The following KNDC1 variants were observed in gnomAD, a reference collection of about 807,000 sequenced individuals.
KNDC1 encodes the protein kinase non-catalytic C-lobe domain-containing protein 1.
A neutral mutation model predicts 172.8 loss-of-function variants in KNDC1; 106 were observed. The observed-to-expected ratio is 0.61, with a 90% CI of 0.52 to 0.72. The LOEUF is 0.72. Among genes scored for constraint, KNDC1 ranks in the 30% least tolerant of loss-of-function variants. The pLI is 0.00. For missense variants in KNDC1, 2,325 were observed against 2,394.5 expected, an observed-to-expected ratio of 0.97 and a Z score of 0.61; for synonymous variants, 1,083 against 1,062.2, an observed-to-expected ratio of 1.02 and a Z score of -0.38.
At chr10:133,170,438 TCA>T (rs989615300) in intron 3 of KNDC1, among the ~76,000 whole-genome samples, 1 of 152,162 alleles carries the variant, frequency 6.6e-6, no homozygotes, top group African/African-American at 2.4e-5. Context: ...GCCTGGGGTC[TCA>T]CACACAGGAC....
Position 133,200,392 on chromosome 10 carries a change from G to A in KNDC1, c.2921G>A (p.Gly974Glu). 1 of 1,595,398 alleles carries A rather than the reference G, an allele frequency of 6.3e-7. No homozygotes were observed. The change falls in exon 16 of 30, where the codon GGG becomes GAG. Residue 974 changes from glycine (G) to glutamate (E), a missense_variant. Transcript: ENST00000304613. Reference sequence around the variant, plus strand: ...GTCGTCAGCACGGCCGAGGAGGCTGGGTCACAGCTCGAGGGCAGCCAAAGC... The same window carrying A: ...GTCGTCAGCACGGCCGAGGAGGCTGAGTCACAGCTCGAGGGCAGCCAAAGC... ...SPSPSTAEEAGSQLEGSQSPR... is the reference protein window; with the variant it reads ...SPSPSTAEEAESQLEGSQSPR...
rs57759593 is a variant in KNDC1, at chr10:133,210,364, CAAAAAAAAAAAAA to C, written c.3795-234_3795-222del. Reference sequence around the variant, plus strand: ...CTGGGCGACAAGAGCGAAACTCTGCCAAAAAAAAAAAAAAAAAAAAAAAAAGGCCCTGGTGCTG... The same window carrying C: ...CTGGGCGACAAGAGCGAAACTCTGCCAAAAAAAAAAAAGGCCCTGGTGCTG... On this transcript the variant is annotated intron_variant, in intron 20 of 29. Transcript: ENST00000304613. Among the ~76,000 whole-genome samples, 48 of 74,472 alleles carry C rather than the reference CAAAAAAAAAAAAA, an allele frequency of 6.4e-4. No homozygotes were observed. In the Middle Eastern group the frequency reaches 0.032, roughly 50 times the overall value. 48.9% of individuals were successfully genotyped at this position (74,472 alleles called of 152,430 possible). A position where few individuals can be genotyped will look rare whatever the true frequency, so the allele number is the denominator to read the frequency against.
Position 133,197,066 on chromosome 10 carries a change from C to G in KNDC1, c.1743C>G (p.Gly581=). Residue 581 remains glycine, a synonymous_variant, in exon 11 of 30, where the codon GGC becomes GGG. Transcript: ENST00000304613. ...PSAAEAIKVC[G]SYLLQRGMDS... ...CTGTCTCCTCCCTCCAGGTGTGCGG[C>G]AGCTACCTCCTCCAGCGAGGCATGG... 6.2e-7 allele frequency: 1 copy of G among 1,612,950 alleles called. No homozygotes were observed. The highest frequency in any genetic ancestry group is 8.5e-7 in the Non-Finnish European group (1 of 1,179,654).
chr10:133,193,416 T>C (rs960648702), intron 9 of KNDC1, among the ~76,000 whole-genome samples: 3 of 152,040 alleles, frequency 2.0e-5, no homozygotes, highest in African/African-American at 4.8e-5. Context: ...TCCCAGCTAC[T>C]TGGGAGGCTG....
At chr10:133,182,723 T>G (rs1853753063) in intron 3 of KNDC1, among the ~76,000 whole-genome samples, 1 of 152,238 alleles carries the variant, frequency 6.6e-6, no homozygotes. Context: ...TTGAAGTTTT[T>G]GACCTAAACA....
chr10:133,216,936 G>A (rs11101646), intron 26 of KNDC1, among the ~76,000 whole-genome samples: 44,673 of 152,272 alleles, frequency 0.29, 7,289 homozygotes, highest in Middle Eastern at 0.37. Flanking sequence ...CGCGAAGCAC[G>A]GACAGTGGAC....
intron 17 of KNDC1, among the ~76,000 whole-genome samples, chr10:133,205,042 C>T (rs1845149068): frequency 6.6e-6 from 1 of 152,144 alleles, no homozygotes; most frequent in Non-Finnish European, 1.5e-5. Context: ...TCACCACCCT[C>T]CTCAGTACTG....
chr10:133,165,293 G>A (rs1205616152), intron 1 of KNDC1, among the ~76,000 whole-genome samples: 3 of 152,220 alleles, frequency 2.0e-5, no homozygotes. Flanking sequence ...GGAGGAGGGG[G>A]CTGCCCATCA....
Position 133,200,533 on chromosome 10 carries a change from C to T in KNDC1, c.2989+73C>T, listed in dbSNP as rs182009758. Reference sequence around the variant, plus strand: ...TCTGTGCTCTCTGCAATGCGGGGGGCGCCCCAGGGTCCCAGCAGCCTCAGA... The same window carrying T: ...TCTGTGCTCTCTGCAATGCGGGGGGTGCCCCAGGGTCCCAGCAGCCTCAGA... On this transcript the variant is annotated intron_variant, in intron 16 of 29. Transcript: ENST00000304613. The T allele has an allele frequency of 9.0e-3, 10,504 of 1,168,868 alleles. 80 individuals are homozygous for T. Among genetic ancestry groups the T allele is most frequent in the Middle Eastern group, 0.023 (84 of 3,602 alleles). The allele number at this position is 1,168,868 out of a possible 1,614,324, so 72.4% of individuals were successfully genotyped here.
chr10:133,219,918 T>C (rs756498673), intron 28 of KNDC1, 37 bp from the exon 29 acceptor site: 316 of 1,538,212 alleles, frequency 2.1e-4, no homozygotes, highest in Non-Finnish European at 2.6e-4. Flanking sequence ...GACCACGCCC[T>C]GTCTCTCCCC....
chr10:133,225,875 C>G lies in KNDC1; in HGVS notation c.*985C>G, dbSNP rs58366373. The G allele has an allele frequency of 0.062, 9,482 of 152,522 alleles. 355 individuals are homozygous for G. Among genetic ancestry groups the G allele is most frequent in the African/African-American group, 0.1 (4,244 of 41,570 alleles). 9.4% of individuals were successfully genotyped at this position (152,522 alleles called of 1,614,324 possible). On this transcript the variant is annotated 3_prime_UTR_variant, in exon 30 of 30. Transcript: ENST00000304613. Reference sequence around the variant, plus strand: ...GACCCCAGGCAGCTGGTGTGGAGCCCCTTGGCCAGGGCCATGGGAGTCCCG... The same window carrying G: ...GACCCCAGGCAGCTGGTGTGGAGCCGCTTGGCCAGGGCCATGGGAGTCCCG...
In KNDC1 at chr10:133,160,416, C is replaced by CCAGCA. The variant is rs1852922005; in HGVS notation, c.-48_-47insACAGC. 76 of 1,216,796 alleles carry CCAGCA rather than the reference C, an allele frequency of 6.2e-5. No homozygotes were observed. Among genetic ancestry groups the CCAGCA allele is most frequent in the Non-Finnish European group, 8.1e-5 (75 of 924,514 alleles). 75.4% of individuals were successfully genotyped at this position (1,216,796 alleles called of 1,614,324 possible). On this transcript the variant is annotated 5_prime_UTR_variant, in exon 1 of 30. Coordinates refer to ENST00000304613, the MANE Select transcript of KNDC1 (RefSeq NM_152643.8). ...GGAGCCAGGGCGCGCGTAGCCGAGC[C>CCAGCA]CAGCCCAGCCCAGCCGGAGGCCCCG...
In KNDC1 at chr10:133,183,944, G is replaced by C. The variant is rs766184491; in HGVS notation, c.580G>C (p.Val194Leu). The C allele has an allele frequency of 1.6e-5, 25 of 1,602,324 alleles. No homozygotes were observed. The highest frequency in any genetic ancestry group is 2.0e-5 in the Non-Finnish European group (24 of 1,171,350). ...TCGCGTGTGCCGGAGCCTCTCTGCT[G>C]TGGGGAGGAGGGTCCTCTCCATCGA... The part of the protein sequence containing the change: ...SCRVCRSLSA[V>L]GRRVLSIESF... The change falls in exon 5 of 30, where the codon GTG becomes CTG. Residue 194 changes from valine (V) to leucine (L), a missense_variant. By Grantham distance (32) the Val-to-Leu change is conservative. Coordinates refer to ENST00000304613, the MANE Select transcript of KNDC1 (RefSeq NM_152643.8).
intron 21 of KNDC1, 93 bp from the exon 22 acceptor site, chr10:133,211,329 C>T: frequency 8.1e-7 from 1 of 1,242,218 alleles, no homozygotes; most frequent in Non-Finnish European, 1.1e-6. Flanking sequence ...CCTGGTCCCA[C>T]CCTGCCTCTC....
intron 12 of KNDC1, among the ~76,000 whole-genome samples, chr10:133,198,133 C>T (rs996697507): frequency 4.6e-5 from 7 of 152,210 alleles, no homozygotes; most frequent in African/African-American, 1.7e-4. Context: ...CTGGCCCGTC[C>T]CCGCCTGCTG....
chr10:133,171,212 AGATTTTCCTCAG>A (rs1159049843), intron 3 of KNDC1, among the ~76,000 whole-genome samples: 6 of 152,208 alleles, frequency 3.9e-5, no homozygotes, highest in Non-Finnish European at 8.8e-5. Context: ...ATAGTTTATT[AGATTTTCCTCAG>A]GAATGTGATG....
At chr10:133,188,716 A>ACCGCCGTCCCACACCC in intron 7 of KNDC1, 63 bp downstream of exon 7, 1 of 389,912 alleles carries the variant, frequency 2.6e-6, no homozygotes, top group Non-Finnish European at 3.8e-6. Context: ...TCCACCCCCC[A>ACCGCCGTCCCACACCC]CCGCCGTCCC....
chr10:133,201,961 G>C, intron 17 of KNDC1, 63 bp downstream of exon 17: 1 of 1,487,022 alleles, frequency 6.7e-7, no homozygotes, highest in Non-Finnish European at 9.1e-7. Context: ...AGAGCTTCCT[G>C]GTCACTGCAG....
At chr10:133,205,640 A>T (rs572083897) in intron 17 of KNDC1, among the ~76,000 whole-genome samples, 2 of 152,364 alleles carry the variant, frequency 1.3e-5, no homozygotes, top group South Asian at 4.1e-4. Flanking sequence ...TGCACAGGCC[A>T]GCTGGAATCC....
Sources: gnomAD v4.1 joint callset for allele counts (sites outside exome capture counted in the v4.1 genomes callset) on GRCh38, gnomAD v4.1.1 for gene constraint, MANE v1.5 for transcripts, NCBI Gene and HGNC (gene_info 2026-07-23, HGNC 2026-07-21) for gene names.